C4orf51: variants seen among roughly 807,000 people sequenced by gnomAD.
C4orf51 encodes chromosome 4 open reading frame 51.
In C4orf51, 25 loss-of-function variants were observed where a neutral mutation model predicts 25.2. The observed-to-expected ratio is 0.99, with a 90% CI of 0.72 to 1.39. C4orf51 has a LOEUF of 1.39. Ranked by LOEUF, C4orf51 falls within the 40% of genes most tolerant of loss-of-function variation. The pLI, the probability that C4orf51 is intolerant of heterozygous loss-of-function variation, is 0.00. For synonymous variants in C4orf51, 100 were observed against 84.5 expected (o/e 1.18, Z -1.01); for missense variants, 252 against 239.6 (o/e 1.05, Z -0.34).
intron 3 of C4orf51, among the ~76,000 whole-genome samples, chr4:145,727,323 C>T (rs1732119467): frequency 6.6e-6 from 1 of 152,116 alleles, no homozygotes; most frequent in Non-Finnish European, 1.5e-5. Context: ...TAAAGATTAT[C>T]TGAAATCTTC....
chr4:145,723,293 G>A (rs1283941082), intron 2 of C4orf51, among the ~76,000 whole-genome samples: 1 of 152,012 alleles, frequency 6.6e-6, no homozygotes, highest in Non-Finnish European at 1.5e-5. Flanking sequence ...TACAACTTAA[G>A]GCTGCAGTAC....
intron 1 of C4orf51, chr4:145,759,910 A>T (rs1033120973): frequency 2.2e-4 from 34 of 152,310 alleles, no homozygotes; most frequent in Admixed American, 9.2e-4. Context: ...ATATATATAT[A>T]ATCTGCCCTT....
chr4:145,740,688 T>C (rs1185630891), intron 1 of C4orf51, among the ~76,000 whole-genome samples: 1 of 152,204 alleles, frequency 6.6e-6, no homozygotes, highest in Non-Finnish European at 1.5e-5. Flanking sequence ...AAATTTTCAC[T>C]TCTTCTGGAT....
chr4:145,731,555 A>G (rs780811255), intron 5 of C4orf51, among the ~76,000 whole-genome samples: 1 of 141,658 alleles, frequency 7.1e-6, no homozygotes, highest in Non-Finnish European at 1.5e-5. Flanking sequence ...TTTATGAGAC[A>G]AGGCAAATCT....
At chr4:145,778,970 T>C in the C4orf51 span, among the ~76,000 whole-genome samples, 2 of 152,300 alleles carry the variant, frequency 1.3e-5, no homozygotes, top group African/African-American at 2.4e-5. Context: ...CAATTATACA[T>C]AAATAAAGGC....
downstream of C4orf51, chr4:145,758,667 T>G (rs954874962): frequency 2.6e-5 from 4 of 152,240 alleles, no homozygotes; most frequent in South Asian, 8.3e-4. Flanking sequence ...CTATAGTGTC[T>G]TTTACTGAGA....
chr4:145,774,491 G>C (rs2126937465), downstream of C4orf51: 1 of 1,605,370 alleles, frequency 6.2e-7, no homozygotes, highest in East Asian at 2.2e-5. Context: ...GAGAAGGACA[G>C]ACAGGAATGG....
At chr4:145,715,911 C>T (rs1221859187) in intron 2 of C4orf51, among the ~76,000 whole-genome samples, 1 of 152,182 alleles carries the variant, frequency 6.6e-6, no homozygotes, top group Non-Finnish European at 1.5e-5. Flanking sequence ...GTAACTTCCA[C>T]CAGAGCTTGG....
chr4:145,768,710 T>C (rs1305073652), intron 1 of C4orf51, among the ~76,000 whole-genome samples: 2 of 149,350 alleles, frequency 1.3e-5, no homozygotes, highest in Non-Finnish European at 3.0e-5. Flanking sequence ...GAGATTAAAT[T>C]AGCCAGGTGT....
chr4:145,775,913 G>C (rs760886857), downstream of C4orf51: 1 of 1,614,022 alleles, frequency 6.2e-7, no homozygotes, highest in African/African-American at 1.3e-5. Context: ...AGATTTGCAC[G>C]GCACTTAGCA....
At chr4:145,701,329 G>C (rs1231481499) in intron 2 of C4orf51, among the ~76,000 whole-genome samples, 1 of 152,008 alleles carries the variant, frequency 6.6e-6, no homozygotes, top group Non-Finnish European at 1.5e-5. Context: ...AAACCGAAGT[G>C]CCCAGGCGTT....
chr4:145,791,464 A>G, the C4orf51 span, among the ~76,000 whole-genome samples: 1 of 152,178 alleles, frequency 6.6e-6, no homozygotes, highest in Non-Finnish European at 1.5e-5. Context: ...TAGCTAGGAG[A>G]GGAGGAAAGG....
chr4:145,726,466 A>G (rs1410160253), intron 2 of C4orf51, among the ~76,000 whole-genome samples: 1 of 152,156 alleles, frequency 6.6e-6, no homozygotes, highest in African/African-American at 2.4e-5. Context: ...GCAGTGTGCA[A>G]TCATGGCTCA....
intron 1 of C4orf51, chr4:145,759,680 T>C (rs557208861): frequency 1.3e-5 from 2 of 151,538 alleles, no homozygotes; most frequent in Admixed American, 1.3e-4. Flanking sequence ...TTCTTCCTTT[T>C]ATTTTACTTT....
At chr4:145,721,173 C>T (rs962791539) in intron 2 of C4orf51, among the ~76,000 whole-genome samples, 4 of 151,432 alleles carry the variant, frequency 2.6e-5, no homozygotes, top group African/African-American at 7.3e-5. Flanking sequence ...GGTGAAACCC[C>T]GTCTCTACTA....
the C4orf51 span, among the ~76,000 whole-genome samples, chr4:145,777,467 T>A: frequency 2.0e-5 from 3 of 152,222 alleles, no homozygotes; most frequent in Non-Finnish European, 4.4e-5. Flanking sequence ...TTCCAAAATT[T>A]CTCTTTGGGA....
chr4:145,707,569 A>G (rs1269946523), intron 2 of C4orf51, among the ~76,000 whole-genome samples: 1 of 152,246 alleles, frequency 6.6e-6, no homozygotes. Context: ...AAATAGAGCT[A>G]TTAGAAAGAT....
downstream of C4orf51, among the ~76,000 whole-genome samples, chr4:145,736,732 A>G (rs934960859): frequency 4.6e-5 from 7 of 152,226 alleles, no homozygotes; most frequent in Admixed American, 1.3e-4. Flanking sequence ...TTTTAGAGAC[A>G]GGAAAATGTC....
chr4:145,749,905 A>AT (rs1210128121), intron 1 of C4orf51, among the ~76,000 whole-genome samples: 1 of 152,150 alleles, frequency 6.6e-6, no homozygotes, highest in Non-Finnish European at 1.5e-5. Context: ...AAGTGCTGGG[A>AT]TTACAGACAT....
Sources: allele counts gnomAD v4.1 joint callset (sites outside exome capture counted in the v4.1 genomes callset), GRCh38; gene constraint gnomAD v4.1.1; transcripts MANE v1.5; gene names NCBI Gene and HGNC (gene_info 2026-07-23, HGNC 2026-07-21).